CELF2: variants seen among roughly 807,000 people sequenced by gnomAD.
CELF2 encodes CUGBP Elav-like family member 2.
CELF2 carries 8 observed loss-of-function variants against 62.6 expected under a neutral mutation model. That is an observed-to-expected ratio of 0.13 (90% confidence interval 0.07 to 0.23). CELF2 has a LOEUF of 0.23. Among genes scored for constraint, CELF2 ranks in the 10% least tolerant of loss-of-function variants. The pLI is 1.00. For missense variants in CELF2, 333 were observed against 671.0 expected, an observed-to-expected ratio of 0.50 and a Z score of 5.56; for synonymous variants, 258 against 250.0, an observed-to-expected ratio of 1.03 and a Z score of -0.30.
intron 3 of CELF2, among the ~76,000 whole-genome samples, chr10:11,219,599 A>G (rs1183657167): frequency 6.6e-6 from 1 of 152,202 alleles, no homozygotes; most frequent in East Asian, 1.9e-4. Context: ...CACACTTGCT[A>G]CATTTGCTAT....
At chr10:10,704,401 G>C in the CELF2 span, among the ~76,000 whole-genome samples, 1 of 152,234 alleles carries the variant, frequency 6.6e-6, no homozygotes, top group African/African-American at 2.4e-5. Flanking sequence ...AGTTTCTACA[G>C]TATTTTGGAA....
At chr10:11,310,088 A>G (rs1266463372) in intron 9 of CELF2, among the ~76,000 whole-genome samples, 1 of 152,178 alleles carries the variant, frequency 6.6e-6, no homozygotes, top group Non-Finnish European at 1.5e-5. Flanking sequence ...AATGGGACCC[A>G]GTACTCAGAA....
At chr10:11,183,921 G>A (rs1448286971) in intron 2 of CELF2, among the ~76,000 whole-genome samples, 1 of 152,172 alleles carries the variant, frequency 6.6e-6, no homozygotes, top group Non-Finnish European at 1.5e-5. Context: ...TAATTTTGGT[G>A]AAGCCTTATT....
At chr10:10,532,313 G>C in the CELF2 span, among the ~76,000 whole-genome samples, 5 of 152,222 alleles carry the variant, frequency 3.3e-5, no homozygotes, top group Non-Finnish European at 7.3e-5. Context: ...AAACATATCA[G>C]CAGAGATTCA....
At chr10:10,533,247 T>C in the CELF2 span, among the ~76,000 whole-genome samples, 1 of 152,224 alleles carries the variant, frequency 6.6e-6, no homozygotes, top group South Asian at 2.1e-4. Flanking sequence ...TTATTTTACC[T>C]ATAAATGTTG....
chr10:11,041,143 T>C (rs1230356745), intron 1 of CELF2, among the ~76,000 whole-genome samples: 1 of 152,222 alleles, frequency 6.6e-6, no homozygotes, highest in Non-Finnish European at 1.5e-5. Flanking sequence ...AAAGTTGTAG[T>C]GTCCTTTTTT....
intron 1 of CELF2, among the ~76,000 whole-genome samples, chr10:11,076,827 G>A (rs1030232462): frequency 1.3e-5 from 2 of 152,320 alleles, no homozygotes; most frequent in African/African-American, 4.8e-5. Context: ...GGCTTTGGTA[G>A]TCAGTAGTAT....
chr10:10,685,722 T>A, the CELF2 span, among the ~76,000 whole-genome samples: 1 of 152,224 alleles, frequency 6.6e-6, no homozygotes, highest in Non-Finnish European at 1.5e-5. Flanking sequence ...AGCCAGTTCC[T>A]TCTTTGCTGT....
chr10:10,685,977 G>C, the CELF2 span, among the ~76,000 whole-genome samples: 2 of 152,240 alleles, frequency 1.3e-5, no homozygotes, highest in East Asian at 3.9e-4. Context: ...TGGCCTGGGA[G>C]TGGCTTGCCC....
chr10:10,843,534 C>T (rs1388933706), intron 1 of CELF2, among the ~76,000 whole-genome samples: 2 of 151,808 alleles, frequency 1.3e-5, no homozygotes, highest in African/African-American at 2.4e-5. Context: ...TGAAAACATA[C>T]TTTGTATGGT....
At chr10:10,727,775 CAA>C in the CELF2 span, among the ~76,000 whole-genome samples, 238 of 139,024 alleles carry the variant, frequency 1.7e-3, no homozygotes, top group Middle Eastern at 7.1e-3. Context: ...GACTCTGTCT[CAA>C]AAAAAAAAAA....
the CELF2 span, among the ~76,000 whole-genome samples, chr10:10,538,434 C>T: frequency 6.6e-6 from 1 of 152,164 alleles, no homozygotes; most frequent in Non-Finnish European, 1.5e-5. Context: ...ACCTGCTGAC[C>T]AGGCTCTTGA....
At position 11,290,232 on chromosome 10, in the gene CELF2, T is replaced by C. The variant is rs1327004850; in HGVS notation, c.976+1680T>C. ...AAGAAGCAAAGCAATGAGTGTCAGA[T>C]CTGTGACAGAATCCCACTGAACAAG... On this transcript the variant is annotated intron_variant, in intron 9 of 12. Coordinates refer to ENST00000633077, the MANE Select transcript of CELF2 (RefSeq NM_001326342.2). This position sits in a 1 kb window ranked among gnomAD's most constrained non-coding sequence, Gnocchi z 4.3. Among the ~76,000 whole-genome samples, 1 of 152,108 alleles carries C rather than the reference T, an allele frequency of 6.6e-6. No individual in the cohort carries two copies. Among genetic ancestry groups the C allele is most frequent in the African/African-American group, 2.4e-5 (1 of 41,412 alleles).
At chr10:10,660,228 TATA>T in the CELF2 span, among the ~76,000 whole-genome samples, 1 of 152,220 alleles carries the variant, frequency 6.6e-6, no homozygotes, top group Non-Finnish European at 1.5e-5. Context: ...CTTTCACAGA[TATA>T]ATAATAACAA....
chr10:11,164,721 C>G (rs2066553875), intron 1 of CELF2, among the ~76,000 whole-genome samples: 1 of 150,118 alleles, frequency 6.7e-6, no homozygotes, highest in Non-Finnish European at 1.5e-5. Context: ...TCCTTTGCCT[C>G]TCTGAATTAA....
At chr10:11,007,543 A>C (rs1243444557) in intron 1 of CELF2, among the ~76,000 whole-genome samples, 1 of 152,172 alleles carries the variant, frequency 6.6e-6, no homozygotes, top group Non-Finnish European at 1.5e-5. Flanking sequence ...ATCGGTTGTG[A>C]ATAGAGTGAA....
At position 11,268,353 on chromosome 10, in the gene CELF2, A is replaced by C. The variant is rs563510768; in HGVS notation, c.618+1676A>C. Among the ~76,000 whole-genome samples, 1 of 152,180 alleles carries C rather than the reference A, an allele frequency of 6.6e-6. No homozygotes were observed. The highest frequency in any genetic ancestry group is 1.9e-4 in the East Asian group (1 of 5,198). On this transcript the variant is annotated intron_variant, in intron 6 of 12. Coordinates refer to ENST00000633077, the MANE Select transcript of CELF2 (RefSeq NM_001326342.2). This position sits in a 1 kb window ranked among gnomAD's most constrained non-coding sequence, Gnocchi z 4.7. ...TCACCTGAGATAATTTTGAACCTCAATTCTTCAGTGTTTCTGTTAGAAACA... is the reference window on the plus strand; with the variant it reads ...TCACCTGAGATAATTTTGAACCTCACTTCTTCAGTGTTTCTGTTAGAAACA...
chr10:10,496,307 C>T, the CELF2 span, among the ~76,000 whole-genome samples: 2 of 152,212 alleles, frequency 1.3e-5, no homozygotes, highest in African/African-American at 2.4e-5. Context: ...ATATCTCTCA[C>T]ATTTGTCTAC....
chr10:11,079,614 C>T (rs963735113), intron 1 of CELF2, among the ~76,000 whole-genome samples: 11 of 152,148 alleles, frequency 7.2e-5, no homozygotes, highest in Non-Finnish European at 1.3e-4. Context: ...GAAGAGGTGC[C>T]TTCCGCCATG....
Sources: allele counts gnomAD v4.1 joint callset (sites outside exome capture counted in the v4.1 genomes callset), GRCh38; gene constraint gnomAD v4.1.1; non-coding constraint Gnocchi (gnomAD v3.1); transcripts MANE v1.5; gene names NCBI Gene and HGNC (gene_info 2026-07-23, HGNC 2026-07-21).